The following SMO variants were observed in gnomAD, a reference collection of about 807,000 sequenced individuals.
SMO encodes smoothened, frizzled class receptor.
SMO carries 40 observed loss-of-function variants against 81.6 expected under a neutral mutation model. The observed-to-expected ratio is 0.49, with a 90% CI of 0.38 to 0.64. The LOEUF is 0.64. Among genes scored for constraint, SMO ranks in the 30% least tolerant of loss-of-function variants. The pLI, the probability that SMO is intolerant of heterozygous loss-of-function variation, is 0.00. For missense variants in SMO, 916 were observed against 1,061.1 expected, an observed-to-expected ratio of 0.86 and a Z score of 1.90; for synonymous variants, 434 against 432.1, an observed-to-expected ratio of 1.00 and a Z score of -0.05.
chr7:129,211,266 C>A lies in SMO; in HGVS notation c.1801+153C>A. On this transcript the variant is annotated intron_variant, in intron 10 of 11. Coordinates refer to ENST00000249373, the MANE Select transcript of SMO (RefSeq NM_005631.5). This position sits in a 1 kb window ranked among gnomAD's most constrained non-coding sequence, Gnocchi z 4.6. The stretch of plus-strand genomic sequence containing the variant: ...ATCGCTCACACACCCATTCTTCCCC[C>A]GGCCCCTCCTACCCTCTGGGGGGCT... The A allele has an allele frequency of 1.2e-6, 1 of 862,478 alleles. No individual in the cohort carries two copies. Among genetic ancestry groups the A allele is most frequent in the Non-Finnish European group, 1.9e-6 (1 of 535,608 alleles). The allele number at this position is 862,478 out of a possible 1,614,324, so 53.4% of individuals were successfully genotyped here. A position where few individuals can be genotyped will look rare whatever the true frequency, so the allele number is the denominator to read the frequency against.
chr7:129,211,507 C>A lies in SMO; in HGVS notation c.1802-129C>A. 2 of 1,033,860 alleles carry A rather than the reference C, an allele frequency of 1.9e-6. No individual in the cohort carries two copies. Among genetic ancestry groups the A allele is most frequent in the Non-Finnish European group, 3.0e-6 (2 of 670,960 alleles). 64.0% of individuals were successfully genotyped at this position (1,033,860 alleles called of 1,614,324 possible). On this transcript the variant is annotated intron_variant, in intron 10 of 11. Coordinates refer to ENST00000249373, the MANE Select transcript of SMO (RefSeq NM_005631.5). The surrounding 1 kb of genome is among the most constrained non-coding windows in gnomAD (Gnocchi z 4.6). ...GAAGGGGTAGAGATCACCGTGGTTA[C>A]AGGGTGAGCTTTCTCTGGTGAGCAG...
In SMO at chr7:129,212,459, G is replaced by A. The variant is rs370982546; in HGVS notation, c.*8G>A. On this transcript the variant is annotated 3_prime_UTR_variant, in exon 12 of 12. Transcript: ENST00000249373. The surrounding 1 kb of genome is among the most constrained non-coding windows in gnomAD (Gnocchi z 5.0). ...GCAGACTCGGACTTCTGAGCCTGCA[G>A]AGCAGGACCTGGGACAGGAAAGAGA... 33 of 1,607,126 alleles carry A rather than the reference G, an allele frequency of 2.1e-5. No individual in the cohort carries two copies. The African/African-American group carries it at 4.0e-4, about 20-fold the overall frequency.
At position 129,189,492 on chromosome 7, in the gene SMO, G is replaced by A. The variant is rs1291385899; in HGVS notation, c.331+10G>A. ...CTCGTGCTCTGGTCGGGTAAGTGCG[G>A]CGGAGCCGGGTCTGGGGGGCGGGAG... is the stretch of plus-strand genomic sequence containing the variant. On this transcript the variant is annotated intron_variant, in intron 1 of 11. Coordinates refer to ENST00000249373, the MANE Select transcript of SMO (RefSeq NM_005631.5). The surrounding 1 kb of genome is among the most constrained non-coding windows in gnomAD (Gnocchi z 4.7). 2 of 1,535,604 alleles carry A rather than the reference G, an allele frequency of 1.3e-6. No homozygotes were observed. Among genetic ancestry groups the A allele is most frequent in the South Asian group, 2.4e-5 (2 of 84,000 alleles).
At position 129,189,261 on chromosome 7, in the gene SMO, C is replaced by T. The variant is rs2150638002; in HGVS notation, c.110C>T (p.Thr37Ile). Residue 37 changes from threonine to isoleucine, a missense_variant, in exon 1 of 12, where the codon ACC becomes ATC. Around this residue, in one of 4 missense-constraint regions of SMO, gnomAD observed 146 missense variants for 149.9 expected, o/e 0.97. Coordinates refer to ENST00000249373, the MANE Select transcript of SMO (RefSeq NM_005631.5). This position sits in a 1 kb window ranked among gnomAD's most constrained non-coding sequence, Gnocchi z 4.7. The stretch of plus-strand genomic sequence containing the variant: ...GGGGCGGCCTCGAGCGGGAACGCGA[C>T]CGGGCCTGGGCCTCGGAGCGCGGGC... Reference protein sequence around the residue: ...GRGAASSGNATGPGPRSAGGS... With the variant: ...GRGAASSGNAIGPGPRSAGGS... 8.0e-7 allele frequency: 1 copy of T among 1,253,830 alleles called. No individual in the cohort carries two copies. The highest frequency in any genetic ancestry group is 1.0e-6 in the Non-Finnish European group (1 of 999,316). 77.7% of individuals were successfully genotyped at this position (1,253,830 alleles called of 1,614,324 possible).
Position 129,211,101 on chromosome 7 carries a change from G to C in SMO, c.1789G>C (p.Asp597His), listed in dbSNP as rs989582182. The change falls in exon 10 of 12, where the codon GAC (aspartate) becomes CAC (histidine). Residue 597 changes from aspartate to histidine, a missense_variant. Asp to His is a moderately conservative substitution (Grantham distance 81). Coordinates refer to ENST00000249373, the MANE Select transcript of SMO (RefSeq NM_005631.5). The surrounding 1 kb of genome is among the most constrained non-coding windows in gnomAD (Gnocchi z 4.6). ...CTTCAGCATGCACACTGTGTCCCAC[G>C]ACGGGCCCGTGGGTGAGCCTCACCC... ...LSFSMHTVSH[D>H]GPVAGLAFDL... 6.2e-7 allele frequency: 1 copy of C among 1,608,416 alleles called. No individual in the cohort carries two copies. Among genetic ancestry groups the C allele is most frequent in the South Asian group, 1.1e-5 (1 of 90,220 alleles).
In SMO at chr7:129,212,939, T is replaced by C. The variant is rs1793903604; in HGVS notation, c.*488T>C. On this transcript the variant is annotated 3_prime_UTR_variant, in exon 12 of 12. Transcript: ENST00000249373. The surrounding 1 kb of genome is among the most constrained non-coding windows in gnomAD (Gnocchi z 5.0). Reference sequence around the variant, plus strand: ...CTGTGTCATTAGTCCTTTGTCTAAGTAGGGCCAGGGCACCGTATTCCTCTC... The same window carrying C: ...CTGTGTCATTAGTCCTTTGTCTAAGCAGGGCCAGGGCACCGTATTCCTCTC... 1 of 264,306 alleles carries C rather than the reference T, an allele frequency of 3.8e-6. No individual in the cohort carries two copies. The highest frequency in any genetic ancestry group is 5.5e-5 in the East Asian group (1 of 18,236). The allele number at this position is 264,306 out of a possible 1,614,324, so 16.4% of individuals were successfully genotyped here. A position where few individuals can be genotyped will look rare whatever the true frequency, so the allele number is the denominator to read the frequency against.
chr7:129,205,642 TCG>T lies in SMO; in HGVS notation c.782_783del (p.Arg261LeufsTer49). On this transcript the variant is annotated frameshift_variant, in exon 4 of 12. Transcript: ENST00000249373. LOFTEE classifies it high-confidence loss of function. ...TCGTGGCTGACTGGCGGAACTCGAA[TCG>T]CTACCCTGCTGTTATTCTCTTCTAC... ...TFVADWRNSN[R>X]YPAVILFYVN... 6 of 1,613,974 alleles carry T rather than the reference TCG, an allele frequency of 3.7e-6. No homozygotes were observed. The highest frequency in any genetic ancestry group is 5.1e-6 in the Non-Finnish European group (6 of 1,179,864).
intron 1 of SMO, 76 bp from the exon 2 acceptor site, chr7:129,203,308 G>A: frequency 3.5e-6 from 4 of 1,147,050 alleles, no homozygotes; most frequent in South Asian, 2.9e-5. Context: ...GCAAAGGCCT[G>A]GAGGACAGGG....
At position 129,189,532 on chromosome 7, in the gene SMO, T is replaced by C; in HGVS notation, c.331+50T>C. The C allele has an allele frequency of 6.6e-7, 1 of 1,525,862 alleles. No homozygotes were observed. The highest frequency in any genetic ancestry group is 8.8e-7 in the Non-Finnish European group (1 of 1,140,372). 94.5% of individuals were successfully genotyped at this position (1,525,862 alleles called of 1,614,324 possible). On this transcript the variant is annotated intron_variant, in intron 1 of 11. Coordinates refer to ENST00000249373, the MANE Select transcript of SMO (RefSeq NM_005631.5). This position sits in a 1 kb window ranked among gnomAD's most constrained non-coding sequence, Gnocchi z 4.7. ...GGGGGCGGGAGGTGCCGCGGTAAGA[T>C]GGGGGCACCCTTGGAAAGAACAGGC...
chr7:129,197,016 CAAAAAAAA>C lies in SMO; in HGVS notation c.332-6357_332-6350del, dbSNP rs11445153. ...TGGGCAATACAGTGAGACACCGTCT[CAAAAAAAA>C]AAAAAAAAAAGAAATAAAATTGATG... is the stretch of plus-strand genomic sequence containing the variant. On this transcript the variant is annotated intron_variant, in intron 1 of 11. Transcript: ENST00000249373. Among the ~76,000 whole-genome samples the C allele has an allele frequency of 1.5e-3, 171 of 113,400 alleles. 6 individuals are homozygous for C. The South Asian group carries it at 0.049, about 33-fold the overall frequency. The allele number at this position is 113,400 out of a possible 152,430, so 74.4% of individuals were successfully genotyped here. A position where few individuals can be genotyped will look rare whatever the true frequency, so the allele number is the denominator to read the frequency against.
intron 6 of SMO, among the ~76,000 whole-genome samples, chr7:129,207,018 T>C (rs1233581428): frequency 6.6e-6 from 1 of 152,190 alleles, no homozygotes; most frequent in Non-Finnish European, 1.5e-5. Context: ...CTAATTTTTG[T>C]ATTTTTAGTA....
chr7:129,193,785 AATATAT>A (rs71526088), intron 1 of SMO, among the ~76,000 whole-genome samples: 1,150 of 26,246 alleles, frequency 0.044, 45 homozygotes, highest in Non-Finnish European at 0.048. Context: ...AAAAAAAAAA[AATATAT>A]ATATATATAT....
Position 129,189,896 on chromosome 7 carries a change from A to T in SMO, c.331+414A>T, listed in dbSNP as rs1253265395. ...GGAGTTGGAGAGGAAAAGGGGAGGG[A>T]TGACGGAGGAAGAGGTTTAGACATT... is the stretch of plus-strand genomic sequence containing the variant. On this transcript the variant is annotated intron_variant, in intron 1 of 11. Coordinates refer to ENST00000249373, the MANE Select transcript of SMO (RefSeq NM_005631.5). The surrounding 1 kb of genome is among the most constrained non-coding windows in gnomAD (Gnocchi z 4.7). 6.6e-6 allele frequency among the ~76,000 whole-genome samples: 1 copy of T among 152,098 alleles called. No individual in the cohort carries two copies. Among genetic ancestry groups the T allele is most frequent in the Non-Finnish European group, 1.5e-5 (1 of 68,018 alleles).
At chr7:129,197,858 C>G (rs1176105949) in intron 1 of SMO, among the ~76,000 whole-genome samples, 1 of 152,090 alleles carries the variant, frequency 6.6e-6, no homozygotes, top group Non-Finnish European at 1.5e-5. Flanking sequence ...CTCAACTTGA[C>G]TAGTCATCAG....
chr7:129,188,633 A>C lies in SMO; in HGVS notation c.-519A>C, dbSNP rs1328260219. On this transcript the variant is annotated 5_prime_UTR_variant, in exon 1 of 12. Coordinates refer to ENST00000249373, the MANE Select transcript of SMO (RefSeq NM_005631.5). The surrounding 1 kb of genome is among the most constrained non-coding windows in gnomAD (Gnocchi z 4.9). Reference sequence around the variant, plus strand: ...GGGCTTGGCTCCGCGAGGCCCGTGCATTCCAGAGAGCCCAGCGAGCTAGAG... The same window carrying C: ...GGGCTTGGCTCCGCGAGGCCCGTGCCTTCCAGAGAGCCCAGCGAGCTAGAG... 6.6e-6 allele frequency among the ~76,000 whole-genome samples: 1 copy of C among 151,944 alleles called. No individual in the cohort carries two copies. Among genetic ancestry groups the C allele is most frequent in the Non-Finnish European group, 1.5e-5 (1 of 67,964 alleles).
In SMO at chr7:129,189,751, C is replaced by G. The variant is rs910160977; in HGVS notation, c.331+269C>G. Among the ~76,000 whole-genome samples, 1 of 152,020 alleles carries G rather than the reference C, an allele frequency of 6.6e-6. No individual in the cohort carries two copies. The highest frequency in any genetic ancestry group is 1.5e-5 in the Non-Finnish European group (1 of 67,990). On this transcript the variant is annotated intron_variant, in intron 1 of 11. Coordinates refer to ENST00000249373, the MANE Select transcript of SMO (RefSeq NM_005631.5). This position sits in a 1 kb window ranked among gnomAD's most constrained non-coding sequence, Gnocchi z 4.7. ...CAAAGGATGGCGGGGATGAGGGGCCCGTGAGGAGGTGGCTCTAAGCCACGG... is the reference window on the plus strand; with the variant it reads ...CAAAGGATGGCGGGGATGAGGGGCCGGTGAGGAGGTGGCTCTAAGCCACGG...
intron 1 of SMO, among the ~76,000 whole-genome samples, chr7:129,198,757 G>GT (rs1793621070): frequency 6.6e-6 from 1 of 152,192 alleles, no homozygotes; most frequent in Non-Finnish European, 1.5e-5. Context: ...AGGTTATACT[G>GT]TATCAGCTAG....
chr7:129,190,100 G>A (rs140814666), intron 1 of SMO, among the ~76,000 whole-genome samples: 111 of 152,270 alleles, frequency 7.3e-4, no homozygotes, highest in African/African-American at 2.6e-3. Flanking sequence ...TTCAGTTTGT[G>A]CATCTGAAAA....
Position 129,211,225 on chromosome 7 carries a change from G to A in SMO, c.1801+112G>A. The A allele has an allele frequency of 8.5e-7, 1 of 1,170,698 alleles. No homozygotes were observed. The highest frequency in any genetic ancestry group is 1.2e-6 in the Non-Finnish European group (1 of 811,224). The allele number at this position is 1,170,698 out of a possible 1,614,324, so 72.5% of individuals were successfully genotyped here. A position where few individuals can be genotyped will look rare whatever the true frequency, so the allele number is the denominator to read the frequency against. The stretch of plus-strand genomic sequence containing the variant: ...TTATTTGGAAGACCGACTGTGAGGA[G>A]CAAGGCGCTCCCTCCATCGCTCACA... On this transcript the variant is annotated intron_variant, in intron 10 of 11. Coordinates refer to ENST00000249373, the MANE Select transcript of SMO (RefSeq NM_005631.5). The surrounding 1 kb of genome is among the most constrained non-coding windows in gnomAD (Gnocchi z 4.6).
Sources: allele counts gnomAD v4.1 joint callset (sites outside exome capture counted in the v4.1 genomes callset), GRCh38; gene constraint gnomAD v4.1.1; regional missense constraint gnomAD v4.1.1; non-coding constraint Gnocchi (gnomAD v3.1); transcripts MANE v1.5; gene names NCBI Gene and HGNC (gene_info 2026-07-23, HGNC 2026-07-21).